CCNB1IP1: variants seen among roughly 807,000 people sequenced by gnomAD.
The protein encoded by CCNB1IP1 is cyclin B1 interacting protein 1.
In CCNB1IP1, 14 loss-of-function variants were observed where a neutral mutation model predicts 25.6. The ratio of observed to expected loss-of-function variants is 0.55; its 90% CI spans 0.36 to 0.85. CCNB1IP1 has a LOEUF of 0.85. CCNB1IP1 is among the 40% of genes least tolerant of loss of function. The pLI, the probability that CCNB1IP1 is intolerant of heterozygous loss-of-function variation, is 0.01. For missense variants in CCNB1IP1, 278 were observed against 342.4 expected, an observed-to-expected ratio of 0.81 and a Z score of 1.48; for synonymous variants, 119 against 116.1, an observed-to-expected ratio of 1.02 and a Z score of -0.16.
rs75459920 is a variant in CCNB1IP1, at chr14:20,332,762, T to A, written c.-431+492A>T. ...AGGTTCACCAAGAAAGCCGAAATGATCTGAGCGAAGGCCAGGAGAAAGACA... is the reference window on the plus strand; with the variant it reads ...AGGTTCACCAAGAAAGCCGAAATGAACTGAGCGAAGGCCAGGAGAAAGACA... On this transcript the variant is annotated intron_variant, in intron 1 of 6. Transcript: ENST00000358932. 1.0e-3 allele frequency: 158 copies of A among 152,306 alleles called. 1 individual carries two copies. Among genetic ancestry groups the A allele is most frequent in the East Asian group, 6.8e-3 (35 of 5,176 alleles). 9.4% of individuals were successfully genotyped at this position (152,306 alleles called of 1,614,324 possible). A position where few individuals can be genotyped will look rare whatever the true frequency, so the allele number is the denominator to read the frequency against.
chr14:20,331,263 C>T (rs1883225987), intron 1 of CCNB1IP1, among the ~76,000 whole-genome samples: 1 of 152,168 alleles, frequency 6.6e-6, no homozygotes, highest in Non-Finnish European at 1.5e-5. Flanking sequence ...ACAAAGATGA[C>T]TTGGTTGTTC....
intron 6 of CCNB1IP1, among the ~76,000 whole-genome samples, chr14:20,312,169 G>A (rs1882513110): frequency 6.6e-6 from 1 of 152,052 alleles, no homozygotes; most frequent in Admixed American, 6.5e-5. Context: ...GGTTAACTGT[G>A]TACAAAAAGA....
At chr14:20,326,845 C>A in intron 2 of CCNB1IP1, 52 bp from the exon 3 acceptor site, 1 of 231,386 alleles carries the variant, frequency 4.3e-6, no homozygotes, top group East Asian at 1.1e-4. Flanking sequence ...GATTACATGA[C>A]AACTCACACC....
Position 20,317,023 on chromosome 14 carries a change from C to A in CCNB1IP1, c.-37-463G>T, listed in dbSNP as rs373075189. On this transcript the variant is annotated intron_variant, in intron 4 of 6. Coordinates refer to ENST00000358932, the MANE Select transcript of CCNB1IP1 (RefSeq NM_021178.5). ...ACTCGGGAGGCTGAGGCAGGAGAAT[C>A]ACTTGAATCCGGGAGGCAGAGGTTG... Among the ~76,000 whole-genome samples the A allele has an allele frequency of 2.9e-3, 437 of 152,220 alleles. 7 individuals carry two copies. The Middle Eastern group carries it at 0.034, about 12-fold the overall frequency.
At chr14:20,320,180 A>T in intron 4 of CCNB1IP1, 1 of 342,212 alleles carries the variant, frequency 2.9e-6, no homozygotes, top group Admixed American at 3.9e-5. Context: ...TTTTGTACTT[A>T]TGTCTACTCC....
At chr14:20,332,026 A>ATATATTT (rs59034398) in intron 1 of CCNB1IP1, among the ~76,000 whole-genome samples, 4 of 40,742 alleles carry the variant, frequency 9.8e-5, no homozygotes, top group African/African-American at 2.6e-4. Flanking sequence ...ATATATATAT[A>ATATATTT]TTTTTTTTTT....
At chr14:20,317,204 T>A (rs1279371367) in intron 4 of CCNB1IP1, among the ~76,000 whole-genome samples, 1 of 151,716 alleles carries the variant, frequency 6.6e-6, no homozygotes, top group Non-Finnish European at 1.5e-5. Context: ...AGGTCAGGAG[T>A]TCGAGACCAG....
intron 4 of CCNB1IP1, among the ~76,000 whole-genome samples, chr14:20,323,995 G>C (rs1467463890): frequency 6.6e-6 from 1 of 151,168 alleles, no homozygotes; most frequent in African/African-American, 2.4e-5. Flanking sequence ...GGAAAATGAG[G>C]AACTAGATAA....
intron 1 of CCNB1IP1, among the ~76,000 whole-genome samples, chr14:20,330,269 G>A (rs565231495): frequency 2.8e-4 from 43 of 152,194 alleles, no homozygotes; most frequent in African/African-American, 8.2e-4. Flanking sequence ...TAAATCTTGC[G>A]TAGGGAGCTA....
intron 5 of CCNB1IP1, 38 bp downstream of exon 5, chr14:20,316,189 A>G: frequency 1.9e-6 from 3 of 1,564,142 alleles, no homozygotes; most frequent in Non-Finnish European, 2.6e-6. Flanking sequence ...CAAATGCCAT[A>G]AATCACATGC....
rs777305624 is a variant in CCNB1IP1, at chr14:20,311,574, C to G, written c.810G>C (p.Arg270Ser). 6.2e-7 allele frequency: 1 copy of G among 1,613,476 alleles called. No homozygotes were observed. The highest frequency in any genetic ancestry group is 8.5e-7 in the Non-Finnish European group (1 of 1,179,936). Residue 270 changes from arginine (R) to serine (S), a missense_variant, in exon 7 of 7, where the codon AGG (arginine) becomes AGC (serine). By Grantham distance (110) the Arg-to-Ser change is moderately radical. Transcript: ENST00000358932. Reference sequence around the variant, plus strand: ...CTCAAATTCTTTTTACTTTGAAGGCCCTGCTAGAAACTTGCTGCTGCTCTA... The same window carrying G: ...CTCAAATTCTTTTTACTTTGAAGGCGCTGCTAGAAACTTGCTGCTGCTCTA... The part of the protein sequence containing the change: ...RELEQQQVSS[R>S]AFKVKRI
At chr14:20,316,091 T>A in intron 5 of CCNB1IP1, 136 bp downstream of exon 5, 2 of 789,180 alleles carry the variant, frequency 2.5e-6, no homozygotes, top group Non-Finnish European at 3.8e-6. Flanking sequence ...CAGTATTGCT[T>A]TTGAAAACAA....
At chr14:20,323,691 G>A (rs1225190787) in intron 4 of CCNB1IP1, among the ~76,000 whole-genome samples, 1 of 152,122 alleles carries the variant, frequency 6.6e-6, no homozygotes, top group Non-Finnish European at 1.5e-5. Context: ...CACTTTGGGA[G>A]GCCGAGGCGG....
rs1328316427 is a variant in CCNB1IP1, at chr14:20,324,780, G to A, written c.-38+759C>T. Among the ~76,000 whole-genome samples the A allele has an allele frequency of 2.0e-5, 3 of 152,078 alleles. No homozygotes were observed. The East Asian group carries it at 5.8e-4, about 29-fold the overall frequency. On this transcript the variant is annotated intron_variant, in intron 4 of 6. Coordinates refer to ENST00000358932, the MANE Select transcript of CCNB1IP1 (RefSeq NM_021178.5). Reference sequence around the variant, plus strand: ...TGCGTTTGAACTCAGTCTGACTCCAGAACCCATATATATACTATACAATGC... The same window carrying A: ...TGCGTTTGAACTCAGTCTGACTCCAAAACCCATATATATACTATACAATGC...
rs1431970054 is a variant in CCNB1IP1, at chr14:20,313,548, CG to C, written c.550del (p.Arg184GlufsTer16). On this transcript the variant is annotated frameshift_variant, in exon 6 of 7. Coordinates refer to ENST00000358932, the MANE Select transcript of CCNB1IP1 (RefSeq NM_021178.5). LOFTEE classifies it high-confidence loss of function. ...TTCATGGTTAGCAATAGTGATGTTT[CG>C]TAGCCTAAGGCTATCATAGAGGCCT... ...LQGLYDSLRLRNITIANHEGT... is the reference protein window; with the variant it reads ...LQGLYDSLRLXNITIANHEGT... 6.2e-7 allele frequency: 1 copy of C among 1,614,050 alleles called. No homozygotes were observed. The highest frequency in any genetic ancestry group is 8.5e-7 in the Non-Finnish European group (1 of 1,180,036).
chr14:20,330,888 C>T (rs1344101261), intron 1 of CCNB1IP1: 1 of 152,176 alleles, frequency 6.6e-6, no homozygotes, highest in Non-Finnish European at 1.5e-5. Flanking sequence ...CCATATTGTC[C>T]TTCAAGCAAA....
At chr14:20,315,969 A>T (rs1882679250) in intron 5 of CCNB1IP1, 1 of 481,644 alleles carries the variant, frequency 2.1e-6, no homozygotes, top group African/African-American at 1.9e-5. Context: ...CAGAAGAGAG[A>T]GAGAGTGTGT....
Position 20,322,726 on chromosome 14 carries a change from G to A in CCNB1IP1, c.-38+2813C>T, listed in dbSNP as rs1013754191. On this transcript the variant is annotated intron_variant, in intron 4 of 6. Coordinates refer to ENST00000358932, the MANE Select transcript of CCNB1IP1 (RefSeq NM_021178.5). ...CAATCTCCACCTCCCGGGTTCAAGC[G>A]ATTCTGTTGCCTCAGCTTCCCAAGT... 2.1e-4 allele frequency among the ~76,000 whole-genome samples: 32 copies of A among 151,540 alleles called. No individual in the cohort carries two copies. The East Asian group carries it at 2.9e-3, about 14-fold the overall frequency.
intron 4 of CCNB1IP1, chr14:20,317,926 A>T (rs1343117515): frequency 1.3e-5 from 2 of 152,242 alleles, no homozygotes; most frequent in Non-Finnish European, 2.9e-5. Context: ...GTTGCCCCGA[A>T]GCATCCTGGG....
Sources: gnomAD v4.1 joint callset for allele counts (sites outside exome capture counted in the v4.1 genomes callset) on GRCh38, gnomAD v4.1.1 for gene constraint, MANE v1.5 for transcripts, NCBI Gene and HGNC (gene_info 2026-07-23, HGNC 2026-07-21) for gene names.